MED12L: variants seen among roughly 807,000 people sequenced by gnomAD.
The protein encoded by MED12L is mediator complex subunit 12L.
In MED12L, 60 loss-of-function variants were observed where a neutral mutation model predicts 281.3. That is an observed-to-expected ratio of 0.21 (90% CI 0.17 to 0.26). The LOEUF (loss-of-function observed/expected upper bound fraction) is 0.26. Ranked by LOEUF, MED12L falls within the 10% of genes least tolerant of loss-of-function variation. The pLI is 1.00. For synonymous variants in MED12L, 974 were observed against 987.2 expected (o/e 0.99, Z 0.25); for missense variants, 2,146 against 2,680.9 (o/e 0.80, Z 4.41).
At chr3:151,235,101 A>G (rs984066130) in intron 16 of MED12L, among the ~76,000 whole-genome samples, 2 of 152,232 alleles carry the variant, frequency 1.3e-5, no homozygotes, top group Non-Finnish European at 2.9e-5. Context: ...TTCCTTGTAG[A>G]TGTAGATTAT....
intron 16 of MED12L, among the ~76,000 whole-genome samples, chr3:151,347,015 A>G (rs1010003996): frequency 6.6e-6 from 1 of 152,224 alleles, no homozygotes; most frequent in African/African-American, 2.4e-5. Flanking sequence ...TAACTAGTGG[A>G]TACATCTTGA....
At chr3:151,089,069 C>G (rs1719670937) in intron 2 of MED12L, among the ~76,000 whole-genome samples, 2 of 152,144 alleles carry the variant, frequency 1.3e-5, no homozygotes, top group African/African-American at 2.4e-5. Context: ...GATTTCTACC[C>G]TACCCCTGTA....
At chr3:151,335,296 G>A (rs1560042024) in intron 16 of MED12L, among the ~76,000 whole-genome samples, 1 of 151,918 alleles carries the variant, frequency 6.6e-6, no homozygotes, top group East Asian at 1.9e-4. Flanking sequence ...TGACTCTCTA[G>A]TAACTGTCAT....
At chr3:151,196,362 TG>T (rs1724659673) in intron 16 of MED12L, among the ~76,000 whole-genome samples, 1 of 152,200 alleles carries the variant, frequency 6.6e-6, no homozygotes. Flanking sequence ...TGCTACTGTC[TG>T]TTTTTTTTCC....
intron 11 of MED12L, among the ~76,000 whole-genome samples, chr3:151,173,970 C>T (rs553536599): frequency 6.6e-5 from 10 of 152,244 alleles, no homozygotes; most frequent in South Asian, 2.1e-4. Flanking sequence ...TTGGAAATTA[C>T]GCATAATATT....
chr3:151,377,312 T>C, intron 30 of MED12L, 134 bp downstream of exon 30: 2 of 685,034 alleles, frequency 2.9e-6, no homozygotes, highest in Non-Finnish European at 4.8e-6. Flanking sequence ...GGGATTATTA[T>C]TAATAAGTTA....
chr3:151,272,155 A>T (rs1195383203), intron 16 of MED12L, among the ~76,000 whole-genome samples: 2 of 152,230 alleles, frequency 1.3e-5, no homozygotes, highest in East Asian at 3.9e-4. Flanking sequence ...ATGAGCTTGC[A>T]GGAAAAGGCA....
chr3:151,137,176 A>G (rs1210593923), intron 5 of MED12L, among the ~76,000 whole-genome samples: 2 of 124,236 alleles, frequency 1.6e-5, no homozygotes, highest in African/African-American at 2.6e-5. Context: ...AAAAAAGAAA[A>G]AAAAAAAAAA....
intron 2 of MED12L, among the ~76,000 whole-genome samples, chr3:151,101,045 A>G (rs754451113): frequency 1.1e-4 from 16 of 152,220 alleles, no homozygotes; most frequent in Non-Finnish European, 2.1e-4. Context: ...GGTAATGTCA[A>G]ATTGCTGTAA....
intron 16 of MED12L, among the ~76,000 whole-genome samples, chr3:151,215,804 C>T (rs1406799875): frequency 6.6e-6 from 1 of 152,174 alleles, no homozygotes; most frequent in Non-Finnish European, 1.5e-5. Flanking sequence ...CTTGTTCTGC[C>T]TCCTGCTTCC....
intron 2 of MED12L, among the ~76,000 whole-genome samples, chr3:151,110,524 T>C (rs895822863): frequency 1.3e-5 from 2 of 152,244 alleles, no homozygotes; most frequent in Non-Finnish European, 2.9e-5. Flanking sequence ...TGTTAACTCT[T>C]CTCAGAAACT....
chr3:151,137,805 AT>A (rs985225742), intron 5 of MED12L, among the ~76,000 whole-genome samples: 37 of 148,288 alleles, frequency 2.5e-4, no homozygotes, highest in South Asian at 1.1e-3. Context: ...AGTATGTGAA[AT>A]TTTTTTTTTT....
At position 151,341,816 on chromosome 3, in the gene MED12L, G is replaced by C. The variant is rs547293201; in HGVS notation, c.2251-8243G>C. ...TTGTTCAGTTCCCACCTATGAGTGA[G>C]AATATGTGGTGTTTGGTTTTTTGTT... On this transcript the variant is annotated intron_variant, in intron 16 of 44. Coordinates refer to ENST00000687756, the MANE Select transcript of MED12L (RefSeq NM_001393769.1). Among the ~76,000 whole-genome samples, 276 of 151,592 alleles carry C rather than the reference G, an allele frequency of 1.8e-3. 1 individual carries two copies. The highest frequency in any genetic ancestry group is 3.0e-3 in the Non-Finnish European group (207 of 67,934).
chr3:151,387,729 G>C, intron 36 of MED12L, 81 bp from the exon 37 acceptor site: 1 of 1,497,688 alleles, frequency 6.7e-7, no homozygotes. Flanking sequence ...AGTGTTCTCT[G>C]ACTCCATGTC....
intron 5 of MED12L, among the ~76,000 whole-genome samples, chr3:151,137,981 T>C (rs1308173769): frequency 1.3e-5 from 2 of 152,194 alleles, no homozygotes; most frequent in African/African-American, 4.8e-5. Context: ...TATATAAAGA[T>C]GTGCAGAAGT....
At chr3:151,308,184 T>C (rs1241703235) in intron 16 of MED12L, among the ~76,000 whole-genome samples, 1 of 152,110 alleles carries the variant, frequency 6.6e-6, no homozygotes. Flanking sequence ...ATGCTTTTCT[T>C]AAACAGAAAA....
At chr3:151,164,469 T>C (rs1233078395) in intron 9 of MED12L, among the ~76,000 whole-genome samples, 1 of 152,116 alleles carries the variant, frequency 6.6e-6, no homozygotes, top group Non-Finnish European at 1.5e-5. Context: ...GAACTAGAAA[T>C]ACCATTTGAC....
At chr3:151,244,294 C>T (rs1310284749) in intron 16 of MED12L, among the ~76,000 whole-genome samples, 2 of 127,670 alleles carry the variant, frequency 1.6e-5, no homozygotes, top group Non-Finnish European at 3.5e-5. Context: ...AACTCTCCAC[C>T]CCAAATCAAC....
chr3:151,384,806 C>T (rs1713045949), intron 35 of MED12L: 1 of 465,064 alleles, frequency 2.2e-6, no homozygotes, highest in African/African-American at 2.1e-5. Flanking sequence ...TGTTGTGTAA[C>T]AACAGTGCCT....
Sources: gnomAD v4.1 joint callset for allele counts (sites outside exome capture counted in the v4.1 genomes callset) on GRCh38, gnomAD v4.1.1 for gene constraint, MANE v1.5 for transcripts, NCBI Gene and HGNC (gene_info 2026-07-23, HGNC 2026-07-21) for gene names.